ZZEF1: variants seen among roughly 807,000 people sequenced by gnomAD.
ZZEF1 encodes zinc finger ZZ-type and EF-hand domain-containing protein 1.
ZZEF1 carries 157 observed loss-of-function variants against 342.8 expected under a neutral mutation model. That is an observed-to-expected ratio of 0.46 (90% CI 0.40 to 0.52). The LOEUF (loss-of-function observed/expected upper bound fraction) is 0.52, where lower values mean the gene tolerates loss of function less well. Ranked by LOEUF, ZZEF1 falls within the 20% of genes least tolerant of loss-of-function variation. The pLI is 0.00. For synonymous variants in ZZEF1, 1,505 were observed against 1,429.1 expected (o/e 1.05, Z -1.20); for missense variants, 3,480 against 3,725.6 (o/e 0.93, Z 1.72).
chr17:4,081,398 A>C lies in ZZEF1; in HGVS notation c.2807T>G (p.Leu936Arg). The change falls in exon 18 of 55, where the codon CTC becomes CGC. Residue 936 changes from leucine (L) to arginine (R), a missense_variant. Around this residue, in one of 5 missense-constraint regions of ZZEF1, gnomAD observed 1,528 missense variants for 1,624.1 expected, o/e 0.94. Transcript: ENST00000381638. ...ISEVLAVMDTLVSVAARECEL... is the reference protein window; with the variant it reads ...ISEVLAVMDTRVSVAARECEL... ...TACCTCTCGAGCAGCAACAGAGACG[A>C]GAGTGTCCATGACCGCCAGGACTTC... 1.2e-6 allele frequency: 2 copies of C among 1,613,732 alleles called. No individual in the cohort carries two copies. Among genetic ancestry groups the C allele is most frequent in the Non-Finnish European group, 1.7e-6 (2 of 1,179,998 alleles).
chr17:4,109,866 G>T lies in ZZEF1; in HGVS notation c.1067-3C>A. 1.2e-6 allele frequency: 2 copies of T among 1,614,022 alleles called. No individual in the cohort carries two copies. The highest frequency in any genetic ancestry group is 8.5e-7 in the Non-Finnish European group (1 of 1,179,968). Reference sequence around the variant, plus strand: ...ACGCTTTATGTTAATCTGGACATCTGTCGAGCACAAACAAAAAATTCAGTA... The same window carrying T: ...ACGCTTTATGTTAATCTGGACATCTTTCGAGCACAAACAAAAAATTCAGTA... On this transcript the variant is annotated splice_region_variant and splice_polypyrimidine_tract_variant and intron_variant, in intron 5 of 54. Coordinates refer to ENST00000381638, the MANE Select transcript of ZZEF1 (RefSeq NM_015113.4).
In ZZEF1 at chr17:4,076,952, C is replaced by G. The variant is rs761611376; in HGVS notation, c.3027G>C (p.Leu1009Phe). The G allele has an allele frequency of 9.3e-6, 15 of 1,613,996 alleles. No individual in the cohort carries two copies. Among genetic ancestry groups the G allele is most frequent in the Non-Finnish European group, 1.3e-5 (15 of 1,179,942 alleles). ...GQFLASMRAI[L>F]ESLFSQYSGK... ...CACTGTACTGTGAGAAAAGGGATTC[C>G]AAAATCGCTCTCATGCTTGCCAGAA... The change falls in exon 20 of 55, where the codon TTG becomes TTC. Residue 1009 changes from leucine (L) to phenylalanine (F), a missense_variant. By Grantham distance (22) the Leu-to-Phe change is conservative. Coordinates refer to ENST00000381638, the MANE Select transcript of ZZEF1 (RefSeq NM_015113.4).
chr17:4,016,040 G>T lies in ZZEF1; in HGVS notation c.8145+283C>A, dbSNP rs1264922998. 1.3e-5 allele frequency among the ~76,000 whole-genome samples: 2 copies of T among 152,250 alleles called. No individual in the cohort carries two copies. Among genetic ancestry groups the T allele is most frequent in the Non-Finnish European group, 2.9e-5 (2 of 68,036 alleles). ...TGAAGCCAAGGACTCACTCTGAGGA[G>T]CCTGCCGCAGGGAAAGTAAAGCTCT... On this transcript the variant is annotated intron_variant, in intron 49 of 54. Coordinates refer to ENST00000381638, the MANE Select transcript of ZZEF1 (RefSeq NM_015113.4). This position sits in a 1 kb window ranked among gnomAD's most constrained non-coding sequence, Gnocchi z 4.4.
intron 1 of ZZEF1, among the ~76,000 whole-genome samples, chr17:4,124,993 C>T (rs151206934): frequency 6.6e-6 from 1 of 152,168 alleles, no homozygotes; most frequent in Admixed American, 6.5e-5. Context: ...AAAGATGCAG[C>T]GAATATTGTC....
intron 9 of ZZEF1, among the ~76,000 whole-genome samples, chr17:4,098,163 G>A (rs760977659): frequency 1.3e-5 from 2 of 150,904 alleles, no homozygotes; most frequent in African/African-American, 2.4e-5. Flanking sequence ...GCTTGAACCC[G>A]GGAGGCGGAG....
chr17:4,048,875 T>G (rs2056984067), intron 37 of ZZEF1, among the ~76,000 whole-genome samples: 3 of 140,638 alleles, frequency 2.1e-5, no homozygotes, highest in South Asian at 4.5e-4. Context: ...CCTGGATAAT[T>G]TTTTTTTTTT....
At chr17:4,092,088 A>AAT (rs55949924) in intron 11 of ZZEF1, among the ~76,000 whole-genome samples, 95,378 of 144,832 alleles carry the variant, frequency 0.66, 32,803 homozygotes, top group Non-Finnish European at 0.76. Context: ...AAAAAAAAAA[A>AAT]AATAATAAAA....
At chr17:4,076,137 C>CTTTTTTTTCTTT (rs1555599392) in intron 21 of ZZEF1, 1 of 122,190 alleles carries the variant, frequency 8.2e-6, no homozygotes, top group Non-Finnish European at 1.7e-5. Context: ...CGTCTCCTTT[C>CTTTTTTTTCTTT]TTTTTTTTTT....
chr17:4,057,436 T>G (rs915400370), intron 32 of ZZEF1, among the ~76,000 whole-genome samples: 1 of 152,184 alleles, frequency 6.6e-6, no homozygotes, highest in African/African-American at 2.4e-5. Flanking sequence ...TCTCCTCTTT[T>G]CTACACATGA....
intron 1 of ZZEF1, among the ~76,000 whole-genome samples, chr17:4,136,613 A>T (rs371491865): frequency 6.6e-6 from 1 of 152,154 alleles, no homozygotes; most frequent in Non-Finnish European, 1.5e-5. Context: ...GAGCAGACTC[A>T]TAACACGGCA....
intron 29 of ZZEF1, among the ~76,000 whole-genome samples, chr17:4,063,852 C>T (rs552304723): frequency 4.8e-4 from 73 of 152,094 alleles, no homozygotes; most frequent in African/African-American, 1.7e-3. Context: ...CTCAGCCTCC[C>T]GAGTAGCTGG....
At position 4,059,248 on chromosome 17, in the gene ZZEF1, T is replaced by C. The variant is rs1184988665; in HGVS notation, c.4926A>G (p.Lys1642=). The C allele has an allele frequency of 6.2e-7, 1 of 1,607,792 alleles. No homozygotes were observed. Among genetic ancestry groups the C allele is most frequent in the East Asian group, 2.2e-5 (1 of 44,690 alleles). The part of the protein sequence containing the change: ...HLEGCGADLH[K]EIRDTYYQLV... The stretch of plus-strand genomic sequence containing the variant: ...GTTGATAGTAAGTGTCTCGAATTTC[T>C]TTGTGTAGATCAGCACCACAGCCTT... The change falls in exon 31 of 55, where the codon AAA becomes AAG. Residue 1642 remains lysine, a synonymous_variant. Transcript: ENST00000381638.
At chr17:4,030,307 G>A (rs1373058875) in intron 42 of ZZEF1, among the ~76,000 whole-genome samples, 4 of 152,054 alleles carry the variant, frequency 2.6e-5, no homozygotes, top group Admixed American at 2.6e-4. Context: ...CAGGCTGAGA[G>A]AAATTAAAGA....
chr17:4,013,386 G>C, intron 52 of ZZEF1, 63 bp downstream of exon 52: 1 of 1,435,544 alleles, frequency 7.0e-7, no homozygotes, highest in Non-Finnish European at 9.2e-7. Flanking sequence ...AGCAAGAAAG[G>C]GCCAGCCACA....
Position 4,088,766 on chromosome 17 carries a change from T to C in ZZEF1, c.2153A>G (p.His718Arg), listed in dbSNP as rs760970130. The change falls in exon 13 of 55, where the codon CAC becomes CGC. Residue 718 changes from histidine (H) to arginine (R), a missense_variant. Physicochemically the swap from His to Arg is conservative, Grantham distance 29. Transcript: ENST00000381638. ...AEAEQSVTCA[H>R]CRKDTEESVC... is the part of the protein sequence containing the mutation. ...ACTCTCCTCTGTGTCCTTTCTGCAG[T>C]GTGCACAGGTGACGCTCTGTTCTGC... The C allele has an allele frequency of 1.2e-6, 2 of 1,614,208 alleles. No individual in the cohort carries two copies. Among genetic ancestry groups the C allele is most frequent in the South Asian group, 1.1e-5 (1 of 91,082 alleles).
At chr17:4,049,502 C>A (rs2056998583) in intron 37 of ZZEF1, among the ~76,000 whole-genome samples, 2 of 152,120 alleles carry the variant, frequency 1.3e-5, no homozygotes, top group South Asian at 4.1e-4. Context: ...GACAGCGAGA[C>A]CCTGTTTCAA....
chr17:4,044,597 C>A (rs1276361354), intron 37 of ZZEF1, among the ~76,000 whole-genome samples: 1 of 151,918 alleles, frequency 6.6e-6, no homozygotes, highest in Non-Finnish European at 1.5e-5. Flanking sequence ...CGGCTCACTG[C>A]AACCTCCACC....
chr17:4,007,070 G>T, intron 54 of ZZEF1, 100 bp from the exon 55 acceptor site: 1 of 1,103,074 alleles, frequency 9.1e-7, no homozygotes. Flanking sequence ...TGTGGGGACG[G>T]AGGAGGGGAA....
chr17:4,118,079 C>A lies in ZZEF1; in HGVS notation c.500-913G>T, dbSNP rs115698932. Among the ~76,000 whole-genome samples the A allele has an allele frequency of 8.4e-3, 1,284 of 152,244 alleles. 16 individuals carry two copies. Among genetic ancestry groups the A allele is most frequent in the African/African-American group, 0.03 (1,225 of 41,524 alleles). ...TGTCAACTGGTAATAGGGAACCCCC[C>A]ATGAGGCCATCGGTACAGGCTGGGA... On this transcript the variant is annotated intron_variant, in intron 2 of 54. Transcript: ENST00000381638.
Sources: allele counts gnomAD v4.1 joint callset (sites outside exome capture counted in the v4.1 genomes callset), GRCh38; gene constraint gnomAD v4.1.1; regional missense constraint gnomAD v4.1.1; non-coding constraint Gnocchi (gnomAD v3.1); transcripts MANE v1.5; gene names NCBI Gene and HGNC (gene_info 2026-07-23, HGNC 2026-07-21).